The following IKBKB-DT variants were observed in gnomAD, a reference collection of about 807,000 sequenced individuals.
The protein encoded by IKBKB-DT is IKBKB antisense RNA.
chr8:42,245,425 T>C (rs907951728), intron 3 of IKBKB-DT, among the ~76,000 whole-genome samples: 2 of 152,216 alleles, frequency 1.3e-5, no homozygotes, highest in Non-Finnish European at 2.9e-5. Context: ...TTCTGCAAAC[T>C]GATTGTGTTC....
chr8:42,262,786 T>C (rs1807309208), intron 3 of IKBKB-DT, among the ~76,000 whole-genome samples: 1 of 151,488 alleles, frequency 6.6e-6, no homozygotes, highest in East Asian at 1.9e-4. Flanking sequence ...TTGCCCAGGC[T>C]GGAGTGCAGT....
intron 3 of IKBKB-DT, among the ~76,000 whole-genome samples, chr8:42,241,305 G>A (rs1423542861): frequency 7.8e-6 from 1 of 128,672 alleles, no homozygotes; most frequent in East Asian, 2.2e-4. Flanking sequence ...GGCCCAGGAG[G>A]CAGAGAATGT....
intron 2 of IKBKB-DT, among the ~76,000 whole-genome samples, chr8:42,265,251 C>T (rs1371856141): frequency 1.3e-5 from 2 of 152,216 alleles, no homozygotes; most frequent in Admixed American, 1.3e-4. Flanking sequence ...CTTGCTTCAG[C>T]CTCTGGGATA....
intron 3 of IKBKB-DT, among the ~76,000 whole-genome samples, chr8:42,259,760 T>C (rs1390695497): frequency 3.3e-5 from 5 of 152,022 alleles, no homozygotes; most frequent in Non-Finnish European, 5.9e-5. Flanking sequence ...GGTGGGTGGA[T>C]TGCCTGAGCT....
intron 3 of IKBKB-DT, among the ~76,000 whole-genome samples, chr8:42,247,548 A>T (rs1033843574): frequency 6.6e-6 from 1 of 152,118 alleles, no homozygotes; most frequent in Admixed American, 6.6e-5. Context: ...TGGTTTTGAA[A>T]CGTGAAAGGG....
intron 3 of IKBKB-DT, among the ~76,000 whole-genome samples, chr8:42,258,570 G>A (rs888058413): frequency 1.3e-5 from 2 of 151,696 alleles, no homozygotes; most frequent in African/African-American, 2.4e-5. Flanking sequence ...CTGGATTCAC[G>A]CCATTCTCCT....
At chr8:42,253,608 A>G (rs749784923) in intron 3 of IKBKB-DT, among the ~76,000 whole-genome samples, 1 of 152,226 alleles carries the variant, frequency 6.6e-6, no homozygotes, top group Non-Finnish European at 1.5e-5. Context: ...CTTCAAAGAC[A>G]ATGAACAGAA....
chr8:42,271,151 C>T (rs1474852973), exon 1 of IKBKB-DT: 1 of 563,300 alleles, frequency 1.8e-6, no homozygotes. Flanking sequence ...TCTACTTTCC[C>T]TCAGTTGTCT....
intron 3 of IKBKB-DT, among the ~76,000 whole-genome samples, chr8:42,258,512 T>C (rs182230012): frequency 9.4e-4 from 142 of 151,656 alleles, no homozygotes; most frequent in African/African-American, 3.2e-3. Flanking sequence ...TCGCCCAGGC[T>C]GGATGGAGTG....
chr8:42,270,892 A>C (rs1264281836), exon 1 of IKBKB-DT: 1 of 164,878 alleles, frequency 6.1e-6, no homozygotes, highest in Non-Finnish European at 1.3e-5. Flanking sequence ...ACACCCAGCC[A>C]AGCACCCCCC....
rs187130204 is a variant in IKBKB-DT, at chr8:42,251,600, C to T, written n.1529+11729G>A. Among the ~76,000 whole-genome samples the T allele has an allele frequency of 1.3e-3, 193 of 152,200 alleles. 2 individuals are homozygous for T. Among genetic ancestry groups the T allele is most frequent in the African/African-American group, 4.1e-3 (172 of 41,522 alleles). On this transcript the variant is annotated intron_variant and non_coding_transcript_variant, in intron 3 of 3. Transcript: ENST00000518213. The stretch of plus-strand genomic sequence containing the variant: ...CTTTAAAAGAAACTATTTTTCCTAA[C>T]ACTTATGATTTATTCTTTAACAAGA...
chr8:42,243,805 T>C (rs1807032261), intron 3 of IKBKB-DT, among the ~76,000 whole-genome samples: 1 of 152,122 alleles, frequency 6.6e-6, no homozygotes, highest in Non-Finnish European at 1.5e-5. Flanking sequence ...ATTTTAAGAG[T>C]CTATGTATTT....
chr8:42,243,328 C>T (rs1807026295), intron 3 of IKBKB-DT, among the ~76,000 whole-genome samples: 1 of 151,992 alleles, frequency 6.6e-6, no homozygotes, highest in Admixed American at 6.6e-5. Context: ...TAAGAAATAT[C>T]TGATGAAGAG....
intron 1 of IKBKB-DT, among the ~76,000 whole-genome samples, chr8:42,269,692 G>A (rs1308022832): frequency 6.6e-6 from 1 of 151,982 alleles, no homozygotes; most frequent in Non-Finnish European, 1.5e-5. Context: ...GAGAAACCGA[G>A]CAGCCAGCGT....
chr8:42,241,222 A>ATTT (rs1563274607), intron 3 of IKBKB-DT, among the ~76,000 whole-genome samples: 25 of 66,604 alleles, frequency 3.8e-4, no homozygotes, highest in African/African-American at 1.1e-3. Flanking sequence ...ATATGTTGGA[A>ATTT]TCTTTTTTTT....
At chr8:42,248,007 T>C (rs1349268253) in intron 3 of IKBKB-DT, among the ~76,000 whole-genome samples, 1 of 151,362 alleles carries the variant, frequency 6.6e-6, no homozygotes, top group Non-Finnish European at 1.5e-5. Context: ...GCAGAAGAAT[T>C]GCTTGAACCT....
intron 3 of IKBKB-DT, among the ~76,000 whole-genome samples, chr8:42,244,670 A>G (rs561809134): frequency 6.6e-6 from 1 of 152,104 alleles, no homozygotes; most frequent in Non-Finnish European, 1.5e-5. Flanking sequence ...CCTCCCAATT[A>G]GAGTTTCATT....
chr8:42,268,523 G>A lies in IKBKB-DT; in HGVS notation n.604-2127C>T, dbSNP rs943253573. Among the ~76,000 whole-genome samples the A allele has an allele frequency of 1.8e-4, 28 of 151,912 alleles. 1 individual carries two copies. The Middle Eastern group carries it at 0.01, about 56-fold the overall frequency. On this transcript the variant is annotated intron_variant and non_coding_transcript_variant, in intron 1 of 3. Transcript: ENST00000518213. Reference sequence around the variant, plus strand: ...TGACCTCAAGTGATCTGCCTGCCTCGGCCTTCCAAAGTGCTGAGATTACAG... The same window carrying A: ...TGACCTCAAGTGATCTGCCTGCCTCAGCCTTCCAAAGTGCTGAGATTACAG...
intron 3 of IKBKB-DT, among the ~76,000 whole-genome samples, chr8:42,248,324 A>T (rs2129913778): frequency 6.6e-6 from 1 of 152,202 alleles, no homozygotes. Flanking sequence ...CAGGCCACAG[A>T]CCGGGACCTG....
Sources: allele counts gnomAD v4.1 joint callset (sites outside exome capture counted in the v4.1 genomes callset), GRCh38; gene constraint gnomAD v4.1.1; transcripts MANE v1.5; gene names NCBI Gene and HGNC (gene_info 2026-07-23, HGNC 2026-07-21).